The following CPD variants were observed in gnomAD, a reference collection of about 807,000 sequenced individuals.
The protein encoded by CPD is metallocarboxypeptidase D.
Under a neutral mutation model 138.3 loss-of-function variants are expected in CPD, and 69 were observed. The observed-to-expected ratio is 0.50, with a 90% CI of 0.41 to 0.61. The LOEUF (loss-of-function observed/expected upper bound fraction) is 0.61, where lower values mean the gene tolerates loss of function less well. Among genes scored for constraint, CPD ranks in the 20% least tolerant of loss-of-function variants. The probability of loss-of-function intolerance (pLI) is 0.00; values close to 1 mark genes in which losing one functional copy is unlikely to be tolerated. For synonymous variants in CPD, 651 were observed against 642.1 expected (o/e 1.01, Z -0.21); for missense variants, 1,432 against 1,733.3 (o/e 0.83, Z 3.09).
intron 2 of CPD, among the ~76,000 whole-genome samples, chr17:30,414,732 A>G (rs950133876): frequency 1.3e-5 from 2 of 152,184 alleles, no homozygotes; most frequent in Non-Finnish European, 2.9e-5. Flanking sequence ...GACACTTTGG[A>G]TATAAAATGT....
chr17:30,455,713 G>A (rs1913275723), intron 15 of CPD: 1 of 399,204 alleles, frequency 2.5e-6, no homozygotes, highest in Non-Finnish European at 4.4e-6. Flanking sequence ...TAGTCCACAA[G>A]CATTTACTGA....
chr17:30,460,257 T>G (rs1913433591), intron 17 of CPD, among the ~76,000 whole-genome samples: 1 of 152,200 alleles, frequency 6.6e-6, no homozygotes, highest in Non-Finnish European at 1.5e-5. Context: ...CACAGAAGTT[T>G]AAGAATGGAA....
At position 30,409,422 on chromosome 17, in the gene CPD, C is replaced by G. The variant is rs528632374; in HGVS notation, c.995-11419C>G. Among the ~76,000 whole-genome samples, 275 of 152,274 alleles carry G rather than the reference C, an allele frequency of 1.8e-3. 1 individual carries two copies. The highest frequency in any genetic ancestry group is 3.2e-3 in the Non-Finnish European group (219 of 68,022). On this transcript the variant is annotated intron_variant, in intron 2 of 20. Transcript: ENST00000225719. ...CCTTTTCTACTGATTGGAATAGTTT[C>G]AGAAGGAATGGTACCAGCTCCTCTT...
At chr17:30,455,226 C>G (rs1449973900) in intron 14 of CPD, 113 bp from the exon 15 acceptor site, 1 of 864,060 alleles carries the variant, frequency 1.2e-6, no homozygotes, top group Non-Finnish European at 1.8e-6. Flanking sequence ...AAATATTTAT[C>G]TACAAATTTT....
At chr17:30,382,375 A>ATG (rs2143295539) in intron 1 of CPD, among the ~76,000 whole-genome samples, 1 of 152,324 alleles carries the variant, frequency 6.6e-6, no homozygotes, top group Non-Finnish European at 1.5e-5. Flanking sequence ...AAGGAATGAT[A>ATG]TGTGATACTG....
At chr17:30,406,485 G>A (rs975519568) in intron 2 of CPD, among the ~76,000 whole-genome samples, 3 of 152,108 alleles carry the variant, frequency 2.0e-5, no homozygotes, top group Middle Eastern at 3.2e-3. Context: ...TGTGTCATTA[G>A]ATGGAATTCA....
In CPD at chr17:30,442,315, G is replaced by C; in HGVS notation, c.2238G>C (p.Met746Ile). ...GASWYNVPGG[M>I]QDWNYLQTNC... Reference sequence around the variant, plus strand: ...TTAATTTTTATCTTTTAGGAGGAATGCAGGACTGGAACTATTTACAAACAA... The same window carrying C: ...TTAATTTTTATCTTTTAGGAGGAATCCAGGACTGGAACTATTTACAAACAA... The change falls in exon 10 of 21, where the codon ATG (methionine) becomes ATC (isoleucine). Residue 746 changes from methionine (M) to isoleucine (I), a missense_variant. Met to Ile is a conservative substitution (Grantham distance 10). Transcript: ENST00000225719. The C allele has an allele frequency of 6.2e-7, 1 of 1,612,432 alleles. No homozygotes were observed. Among genetic ancestry groups the C allele is most frequent in the Non-Finnish European group, 8.5e-7 (1 of 1,178,816 alleles).
chr17:30,426,661 C>T (rs1333765143), intron 6 of CPD, among the ~76,000 whole-genome samples: 1 of 152,136 alleles, frequency 6.6e-6, no homozygotes, highest in Non-Finnish European at 1.5e-5. Context: ...TAACAACTTC[C>T]AAAACAATGA....
chr17:30,458,703 A>G (rs1380804365), intron 17 of CPD, among the ~76,000 whole-genome samples: 1 of 152,100 alleles, frequency 6.6e-6, no homozygotes, highest in Non-Finnish European at 1.5e-5. Flanking sequence ...CCCATATACT[A>G]AAAATACAAA....
At chr17:30,451,171 G>A (rs7213311) in intron 13 of CPD, among the ~76,000 whole-genome samples, 4 of 152,250 alleles carry the variant, frequency 2.6e-5, no homozygotes, top group African/African-American at 7.2e-5. Context: ...TTAAACCCAC[G>A]TATGTCTACT....
At chr17:30,380,779 A>C (rs1911021267) in intron 1 of CPD, 1 of 584,070 alleles carries the variant, frequency 1.7e-6, no homozygotes, top group Admixed American at 3.7e-5. Context: ...GATTTTCAGC[A>C]AAAAGGAGAG....
chr17:30,388,876 G>A (rs73987922), intron 2 of CPD, among the ~76,000 whole-genome samples: 144 of 152,256 alleles, frequency 9.5e-4, no homozygotes, highest in African/African-American at 3.4e-3. Flanking sequence ...AGGCTGGGAG[G>A]TCACCCCACG....
intron 9 of CPD, among the ~76,000 whole-genome samples, chr17:30,439,394 C>CTTTTTTTTTTTTTTTTTTTTTTTTTT (rs71138889): frequency 7.2e-5 from 9 of 124,672 alleles, no homozygotes; most frequent in Non-Finnish European, 1.1e-4. Flanking sequence ...ACGTTACTTT[C>CTTTTTTTTTTTTTTTTTTTTTTTTTT]TTTTTTTTTT....
At chr17:30,449,333 C>G (rs1398867263) in intron 12 of CPD, among the ~76,000 whole-genome samples, 1 of 151,512 alleles carries the variant, frequency 6.6e-6, no homozygotes, top group African/African-American at 2.4e-5. Context: ...CATAATCTTT[C>G]CTAAATCTTT....
At chr17:30,460,516 A>G (rs1394086129) in intron 17 of CPD, among the ~76,000 whole-genome samples, 1 of 152,244 alleles carries the variant, frequency 6.6e-6, no homozygotes, top group East Asian at 1.9e-4. Context: ...ATGACATTTT[A>G]GATATTCTAT....
chr17:30,421,550 G>A, intron 3 of CPD, 114 bp from the exon 4 acceptor site: 2 of 826,072 alleles, frequency 2.4e-6, no homozygotes, highest in Non-Finnish European at 3.9e-6. Flanking sequence ...ATGTTTTGGG[G>A]GAGAGAGAAG....
At chr17:30,392,195 A>G (rs1026919070) in intron 2 of CPD, among the ~76,000 whole-genome samples, 5 of 152,002 alleles carry the variant, frequency 3.3e-5, no homozygotes, top group African/African-American at 1.2e-4. Context: ...TTTTTAGTAG[A>G]GACGGGGTTT....
intron 5 of CPD, 58 bp downstream of exon 5, chr17:30,423,081 A>G (rs1912310711): frequency 3.8e-6 from 5 of 1,298,930 alleles, no homozygotes; most frequent in Non-Finnish European, 5.4e-6. Flanking sequence ...CATGTTCAAT[A>G]TTGCTATGTT....
chr17:30,404,406 C>T (rs1275936089), intron 2 of CPD, among the ~76,000 whole-genome samples: 1 of 152,064 alleles, frequency 6.6e-6, no homozygotes, highest in Admixed American at 6.6e-5. Flanking sequence ...CGTTTTATAA[C>T]CTTTTTTGAT....
Sources: allele counts gnomAD v4.1 joint callset (sites outside exome capture counted in the v4.1 genomes callset), GRCh38; gene constraint gnomAD v4.1.1; transcripts MANE v1.5; gene names NCBI Gene and HGNC (gene_info 2026-07-23, HGNC 2026-07-21).